The following CNTNAP5 variants were observed in gnomAD, a reference collection of about 807,000 sequenced individuals.
CNTNAP5 encodes the protein contactin-associated protein-like 5.
A neutral mutation model predicts 150.2 loss-of-function variants in CNTNAP5; 72 were observed. That is an observed-to-expected ratio of 0.48 (90% CI 0.40 to 0.58). CNTNAP5 has a LOEUF of 0.58. CNTNAP5 is among the 20% of genes least tolerant of loss of function. The pLI, the probability that CNTNAP5 is intolerant of heterozygous loss-of-function variation, is 0.00. For missense variants in CNTNAP5, 1,636 were observed against 1,626.2 expected (o/e 1.01, Z -0.10); for synonymous variants, 672 against 619.8 (o/e 1.08, Z -1.25).
chr2:124,688,791 A>C (rs1192443165), intron 13 of CNTNAP5, among the ~76,000 whole-genome samples: 1 of 152,084 alleles, frequency 6.6e-6, no homozygotes, highest in Non-Finnish European at 1.5e-5. Context: ...CCCACATCTG[A>C]GAGTTAATTA....
chr2:124,878,593 A>G (rs58960665), intron 21 of CNTNAP5, among the ~76,000 whole-genome samples: 2,594 of 152,222 alleles, frequency 0.017, 63 homozygotes, highest in African/African-American at 0.055. Context: ...ACTCTAGGGG[A>G]ATGAATGGAT....
intron 13 of CNTNAP5, among the ~76,000 whole-genome samples, chr2:124,713,329 T>TC (rs1679871960): frequency 1.3e-5 from 1 of 79,116 alleles, no homozygotes; most frequent in Admixed American, 1.6e-4. Flanking sequence ...CTTTCTTTCT[T>TC]TCTTTCTTTC....
chr2:124,063,557 A>C (rs78021956), intron 1 of CNTNAP5, among the ~76,000 whole-genome samples: 15,535 of 152,218 alleles, frequency 0.1, 907 homozygotes, highest in East Asian at 0.3. Flanking sequence ...TTAAATGACA[A>C]TTATGGAAGT....
intron 2 of CNTNAP5, among the ~76,000 whole-genome samples, chr2:124,235,376 C>T (rs905479820): frequency 1.3e-5 from 2 of 152,102 alleles, no homozygotes; most frequent in South Asian, 2.1e-4. Flanking sequence ...TGAGAACATC[C>T]TCAACAAGAC....
chr2:124,834,099 GTTACTA>G (rs1682775110), intron 19 of CNTNAP5, among the ~76,000 whole-genome samples: 2 of 152,258 alleles, frequency 1.3e-5, no homozygotes, highest in Admixed American at 1.3e-4. Context: ...CTTTATGATA[GTTACTA>G]TTAGTATTAT....
chr2:124,552,871 TA>T (rs1695658990), intron 10 of CNTNAP5, among the ~76,000 whole-genome samples: 1 of 152,230 alleles, frequency 6.6e-6, no homozygotes, highest in Non-Finnish European at 1.5e-5. Context: ...ACAGACGTAC[TA>T]TTCGTTTTAA....
At chr2:124,743,310 C>G (rs547421380) in intron 13 of CNTNAP5, among the ~76,000 whole-genome samples, 1 of 152,308 alleles carries the variant, frequency 6.6e-6, no homozygotes, top group East Asian at 1.9e-4. Context: ...TTGAATAACT[C>G]TTCTGTATTA....
chr2:124,453,219 TAAAG>T (rs1693032029), intron 6 of CNTNAP5, among the ~76,000 whole-genome samples: 1 of 152,046 alleles, frequency 6.6e-6, no homozygotes, highest in Non-Finnish European at 1.5e-5. Flanking sequence ...CAGATGCACT[TAAAG>T]AAATGCAAAA....
Position 124,836,455 on chromosome 2 carries a change from T to G in CNTNAP5, c.3218-28851T>G, listed in dbSNP as rs531811981. Among the ~76,000 whole-genome samples, 88 of 152,260 alleles carry G rather than the reference T, an allele frequency of 5.8e-4. 1 individual carries two copies. The highest frequency in any genetic ancestry group is 3.4e-3 in the Middle Eastern group (1 of 294). ...TATTCATGTCAGTTTTGTAGACTGT[T>G]TATAGAGGGAGGAATTGGGAATGGT... On this transcript the variant is annotated intron_variant, in intron 19 of 23. Coordinates refer to ENST00000682447, the MANE Select transcript of CNTNAP5 (RefSeq NM_001367498.1).
intron 19 of CNTNAP5, among the ~76,000 whole-genome samples, chr2:124,859,001 A>G (rs560278405): frequency 1.3e-5 from 2 of 152,298 alleles, no homozygotes; most frequent in Non-Finnish European, 1.5e-5. Flanking sequence ...GGCATGGGCA[A>G]GGGCTTCATG....
intron 13 of CNTNAP5, among the ~76,000 whole-genome samples, chr2:124,690,883 T>C (rs1236647517): frequency 1.3e-5 from 2 of 152,070 alleles, no homozygotes; most frequent in South Asian, 2.1e-4. Context: ...AAATTTATCA[T>C]GTTGCTATAC....
chr2:124,046,353 T>C (rs1681534113), intron 1 of CNTNAP5, among the ~76,000 whole-genome samples: 1 of 148,542 alleles, frequency 6.7e-6, no homozygotes, highest in Non-Finnish European at 1.5e-5. Flanking sequence ...ATACAAAGAA[T>C]ACAGATTTTG....
At chr2:124,576,522 G>A (rs1366643257) in intron 11 of CNTNAP5, among the ~76,000 whole-genome samples, 5 of 152,158 alleles carry the variant, frequency 3.3e-5, no homozygotes, top group East Asian at 1.9e-4. Context: ...GGAGAAGCTG[G>A]GCTCTCTGGC....
At chr2:124,741,614 C>T (rs1426914105) in intron 13 of CNTNAP5, among the ~76,000 whole-genome samples, 1 of 152,098 alleles carries the variant, frequency 6.6e-6, no homozygotes, top group Non-Finnish European at 1.5e-5. Context: ...TGTCTTTGAA[C>T]CATTTCTCTG....
At chr2:124,882,376 A>G (rs959841846) in intron 21 of CNTNAP5, among the ~76,000 whole-genome samples, 1 of 152,118 alleles carries the variant, frequency 6.6e-6, no homozygotes, top group African/African-American at 2.4e-5. Flanking sequence ...TCCCTTAAAT[A>G]TTCAGTGCCC....
At chr2:124,258,988 C>G (rs1687383751) in intron 3 of CNTNAP5, among the ~76,000 whole-genome samples, 1 of 149,508 alleles carries the variant, frequency 6.7e-6, no homozygotes, top group Non-Finnish European at 1.5e-5. Flanking sequence ...GGTGTATCTC[C>G]CAATGCTATC....
At chr2:124,107,789 G>A (rs923364536) in intron 1 of CNTNAP5, among the ~76,000 whole-genome samples, 6 of 152,198 alleles carry the variant, frequency 3.9e-5, no homozygotes, top group Admixed American at 2.0e-4. Context: ...ACAGCCTCAG[G>A]AAGCCCTGAT....
chr2:124,539,764 C>CCATA (rs1465418566), intron 10 of CNTNAP5, among the ~76,000 whole-genome samples: 1 of 152,074 alleles, frequency 6.6e-6, no homozygotes, highest in Non-Finnish European at 1.5e-5. Context: ...TTTAGAAAAC[C>CCATA]CATACATAGG....
At chr2:124,820,536 A>AG (rs113420502) in intron 19 of CNTNAP5, among the ~76,000 whole-genome samples, 21,204 of 149,452 alleles carry the variant, frequency 0.14, 1,634 homozygotes, top group Middle Eastern at 0.26. Flanking sequence ...CACAAAGGAA[A>AG]GGGGGGGGAG....
Sources: gnomAD v4.1 joint callset for allele counts (sites outside exome capture counted in the v4.1 genomes callset) on GRCh38, gnomAD v4.1.1 for gene constraint, MANE v1.5 for transcripts, NCBI Gene and HGNC (gene_info 2026-07-23, HGNC 2026-07-21) for gene names.